The following CACNG2 variants were observed in gnomAD, a reference collection of about 807,000 sequenced individuals.
CACNG2 encodes the protein voltage-dependent calcium channel gamma-2 subunit.
In CACNG2, 3 loss-of-function variants were observed where a neutral mutation model predicts 25.9. That is an observed-to-expected ratio of 0.12 (90% CI 0.05 to 0.30). The LOEUF is 0.30. CACNG2 is among the 10% of genes least tolerant of loss of function. The pLI is 1.00. For missense variants in CACNG2, 341 were observed against 432.5 expected, an observed-to-expected ratio of 0.79 and a Z score of 1.88; for synonymous variants, 167 against 173.3, an observed-to-expected ratio of 0.96 and a Z score of 0.29.
At chr22:36,677,418 C>T (rs1026168715) in intron 1 of CACNG2, among the ~76,000 whole-genome samples, 2 of 152,142 alleles carry the variant, frequency 1.3e-5, no homozygotes, top group Non-Finnish European at 2.9e-5. Flanking sequence ...GGAAAGGATG[C>T]GGTTTCCCCA....
chr22:36,651,738 C>T (rs1936618637), intron 1 of CACNG2, among the ~76,000 whole-genome samples: 1 of 152,198 alleles, frequency 6.6e-6, no homozygotes, highest in Non-Finnish European at 1.5e-5. Flanking sequence ...GAGGTTGGCA[C>T]ATGCTAGATG....
At chr22:36,571,408 G>T (rs964711516) in intron 2 of CACNG2, among the ~76,000 whole-genome samples, 2 of 151,936 alleles carry the variant, frequency 1.3e-5, no homozygotes, top group African/African-American at 4.8e-5. Flanking sequence ...AGTAAACTGA[G>T]ATTTCGCCAC....
chr22:36,577,454 A>G (rs1659777609), intron 2 of CACNG2, among the ~76,000 whole-genome samples: 1 of 151,984 alleles, frequency 6.6e-6, no homozygotes, highest in Non-Finnish European at 1.5e-5. Context: ...GATCGAGACC[A>G]TCCTGGCCAA....
At chr22:36,577,146 T>C (rs1387539253) in intron 2 of CACNG2, among the ~76,000 whole-genome samples, 1 of 152,144 alleles carries the variant, frequency 6.6e-6, no homozygotes, top group African/African-American at 2.4e-5. Flanking sequence ...CAGGGTGCTA[T>C]GAGGAGTAAC....
chr22:36,571,481 G>A (rs1935223166), intron 2 of CACNG2, among the ~76,000 whole-genome samples: 1 of 151,198 alleles, frequency 6.6e-6, no homozygotes, highest in Non-Finnish European at 1.5e-5. Flanking sequence ...AAGAAATGCC[G>A]CCCCTCAGCT....
At chr22:36,636,221 T>C (rs559277142) in intron 1 of CACNG2, among the ~76,000 whole-genome samples, 1 of 152,256 alleles carries the variant, frequency 6.6e-6, no homozygotes, top group South Asian at 2.1e-4. Flanking sequence ...CCTTTCCACC[T>C]CCTTCTCCAT....
intron 1 of CACNG2, among the ~76,000 whole-genome samples, chr22:36,652,833 C>G (rs1361018493): frequency 6.6e-6 from 1 of 152,084 alleles, no homozygotes; most frequent in African/African-American, 2.4e-5. Flanking sequence ...CTCCACTGCT[C>G]TAGTTACTTT....
At chr22:36,664,306 C>CCA (rs1936842930) in intron 1 of CACNG2, among the ~76,000 whole-genome samples, 2 of 152,116 alleles carry the variant, frequency 1.3e-5, no homozygotes, top group Non-Finnish European at 2.9e-5. Context: ...ATCTCTCTGC[C>CCA]TATTCATTCA....
chr22:36,599,979 G>T (rs138495832), intron 1 of CACNG2, among the ~76,000 whole-genome samples: 4 of 152,224 alleles, frequency 2.6e-5, no homozygotes, highest in African/African-American at 9.7e-5. Context: ...AATGGGATGT[G>T]AGTGGAAATG....
At chr22:36,629,514 G>A (rs901113077) in intron 1 of CACNG2, among the ~76,000 whole-genome samples, 1 of 152,054 alleles carries the variant, frequency 6.6e-6, no homozygotes, top group African/African-American at 2.4e-5. Flanking sequence ...GTTTGTGTGT[G>A]TGTGTGTGTT....
intron 1 of CACNG2, among the ~76,000 whole-genome samples, chr22:36,646,251 C>G (rs1403377172): frequency 6.6e-6 from 1 of 152,092 alleles, no homozygotes; most frequent in Admixed American, 6.5e-5. Context: ...AGGAAACTTA[C>G]CCCCTGTCCT....
At chr22:36,677,837 C>G (rs1288030142) in intron 1 of CACNG2, among the ~76,000 whole-genome samples, 1 of 152,194 alleles carries the variant, frequency 6.6e-6, no homozygotes, top group East Asian at 1.9e-4. Flanking sequence ...CAGTTTTGCT[C>G]TTTGAAGATA....
Position 36,561,185 on chromosome 22 carries a change from A to G in CACNG2, c.*3166T>C, listed in dbSNP as rs938624329. Reference sequence around the variant, plus strand: ...CAGAACCCAGGCCTTGCGCCATGGAAAGAAGCACTGATCGCCTTCCCAGAC... The same window carrying G: ...CAGAACCCAGGCCTTGCGCCATGGAGAGAAGCACTGATCGCCTTCCCAGAC... On this transcript the variant is annotated 3_prime_UTR_variant, in exon 4 of 4. Transcript: ENST00000300105. 1 of 152,238 alleles carries G rather than the reference A, an allele frequency of 6.6e-6. No homozygotes were observed. The highest frequency in any genetic ancestry group is 2.4e-5 in the African/African-American group (1 of 41,420). 9.4% of individuals were successfully genotyped at this position (152,238 alleles called of 1,614,324 possible). A position where few individuals can be genotyped will look rare whatever the true frequency, so the allele number is the denominator to read the frequency against.
intron 1 of CACNG2, among the ~76,000 whole-genome samples, chr22:36,687,862 AG>A (rs774150235): frequency 2.6e-5 from 4 of 152,148 alleles, no homozygotes; most frequent in Non-Finnish European, 5.9e-5. Flanking sequence ...AGCCTGTAGG[AG>A]CTAGAAATGG....
chr22:36,566,237 A>C (rs1935121972), intron 3 of CACNG2, 116 bp downstream of exon 3: 1 of 1,074,662 alleles, frequency 9.3e-7, no homozygotes, highest in Non-Finnish European at 1.4e-6. Flanking sequence ...ACCTAGTGCA[A>C]GTCTTGGAGA....
At chr22:36,643,334 C>T (rs547826852) in intron 1 of CACNG2, among the ~76,000 whole-genome samples, 15 of 151,778 alleles carry the variant, frequency 9.9e-5, no homozygotes, top group Admixed American at 4.6e-4. Flanking sequence ...CTCTGTCTCT[C>T]TCTCTCCAAT....
chr22:36,602,154 T>A (rs1795576177), intron 1 of CACNG2, among the ~76,000 whole-genome samples: 1 of 152,176 alleles, frequency 6.6e-6, no homozygotes, highest in Admixed American at 6.5e-5. Context: ...CTCTGCTCAT[T>A]TTTAAATTGT....
chr22:36,702,267 G>T, intron 1 of CACNG2, 99 bp downstream of exon 1: 1 of 758,852 alleles, frequency 1.3e-6, no homozygotes, highest in Non-Finnish European at 2.2e-6. Flanking sequence ...TAAGAAAATG[G>T]TGGAATGTAA....
chr22:36,586,943 G>GA (rs56707606), intron 2 of CACNG2, among the ~76,000 whole-genome samples: 128,902 of 150,690 alleles, frequency 0.86, 55,213 homozygotes, highest in African/African-American at 0.88. Flanking sequence ...TGCGGGGGAA[G>GA]AAAAAATCTC....
Sources: gnomAD v4.1 joint callset for allele counts (sites outside exome capture counted in the v4.1 genomes callset) on GRCh38, gnomAD v4.1.1 for gene constraint, MANE v1.5 for transcripts, NCBI Gene and HGNC (gene_info 2026-07-23, HGNC 2026-07-21) for gene names.